The following NBEA variants were observed in gnomAD, a reference collection of about 807,000 sequenced individuals.
The protein encoded by NBEA is lysosomal-trafficking regulator 2.
In NBEA, 44 loss-of-function variants were observed where a neutral mutation model predicts 343.4. That is an observed-to-expected ratio of 0.13 (90% CI 0.10 to 0.16). The LOEUF is 0.16. Among genes scored for constraint, NBEA ranks in the 10% least tolerant of loss-of-function variants. The pLI, the probability that NBEA is intolerant of heterozygous loss-of-function variation, is 1.00. For synonymous variants in NBEA, 1,175 were observed against 1,238.7 expected, an observed-to-expected ratio of 0.95 and a Z score of 1.08; for missense variants, 2,555 against 3,631.3, an observed-to-expected ratio of 0.70 and a Z score of 7.62.
chr13:35,158,903 T>G (rs2069366544), intron 21 of NBEA, 113 bp from the exon 22 acceptor site: 2 of 961,638 alleles, frequency 2.1e-6, no homozygotes, highest in Middle Eastern at 3.0e-4. Context: ...AGCTTTGAAG[T>G]CTTAAACTTT....
At position 35,159,110 on chromosome 13, in the gene NBEA, A is replaced by G. The variant is rs759018234; in HGVS notation, c.2939A>G (p.Asn980Ser). 1 of 1,613,608 alleles carries G rather than the reference A, an allele frequency of 6.2e-7. No individual in the cohort carries two copies. Among genetic ancestry groups the G allele is most frequent in the Non-Finnish European group, 8.5e-7 (1 of 1,179,630 alleles). The change falls in exon 22 of 59, where the codon AAT becomes AGT. Residue 980 changes from asparagine to serine, a missense_variant. Transcript: ENST00000379939. ...AACATTAAAAAGGGAAAGAAAGGGA[A>G]TGTGAGCACCATCTCTGGTCTTTCA... ...EENIKKGKKGNVSTISGLSSQ... is the reference protein window; with the variant it reads ...EENIKKGKKGSVSTISGLSSQ...
rs575288055 is a variant in NBEA, at chr13:35,208,577, T to A, written c.5367-123T>A. 14 of 750,112 alleles carry A rather than the reference T, an allele frequency of 1.9e-5. No homozygotes were observed. The South Asian group carries it at 3.6e-4, about 19-fold the overall frequency. The allele number at this position is 750,112 out of a possible 1,614,324, so 46.5% of individuals were successfully genotyped here. On this transcript the variant is annotated intron_variant, in intron 31 of 58. Coordinates refer to ENST00000379939, the MANE Select transcript of NBEA (RefSeq NM_001385012.1). ...CAAAGCTGGACTAAGGAGTTTAAAA[T>A]TTTTTTTTAATTAAAAGAAGAGAGG...
At chr13:35,370,040 C>T (rs2041339318) in intron 38 of NBEA, among the ~76,000 whole-genome samples, 1 of 151,862 alleles carries the variant, frequency 6.6e-6, no homozygotes, top group Admixed American at 6.6e-5. Flanking sequence ...TCTGTTAGAC[C>T]CATTTGGTCT....
chr13:35,268,843 T>C (rs566019220), intron 34 of NBEA, among the ~76,000 whole-genome samples: 1 of 152,104 alleles, frequency 6.6e-6, no homozygotes, highest in Non-Finnish European at 1.5e-5. Context: ...ACAGAAATTA[T>C]GCAAGCCAGA....
At chr13:35,112,009 C>T (rs866364462) in intron 13 of NBEA, among the ~76,000 whole-genome samples, 13 of 150,222 alleles carry the variant, frequency 8.7e-5, no homozygotes, top group South Asian at 6.4e-4. Context: ...CTCTGCCTCC[C>T]GGGTTCATGC....
chr13:35,393,270 A>G (rs1015834984), intron 38 of NBEA, among the ~76,000 whole-genome samples: 2 of 152,136 alleles, frequency 1.3e-5, no homozygotes, highest in Non-Finnish European at 2.9e-5. Context: ...GATTTTTTAA[A>G]TTCTCCTGGT....
chr13:35,490,738 A>G (rs2076472795), intron 41 of NBEA, among the ~76,000 whole-genome samples: 1 of 95,632 alleles, frequency 1.0e-5, no homozygotes, highest in African/African-American at 3.6e-5. Flanking sequence ...CTTTATCTAT[A>G]TTACTGTATG....
At chr13:35,557,841 A>G (rs1245792964) in intron 44 of NBEA, among the ~76,000 whole-genome samples, 1 of 152,124 alleles carries the variant, frequency 6.6e-6, no homozygotes, top group Non-Finnish European at 1.5e-5. Context: ...TTGGGGAGAA[A>G]AAAAGAGAAG....
At chr13:34,973,662 A>G (rs1171755251) in intron 1 of NBEA, among the ~76,000 whole-genome samples, 1 of 152,130 alleles carries the variant, frequency 6.6e-6, no homozygotes, top group East Asian at 1.9e-4. Flanking sequence ...TCATCCAAAC[A>G]GCAAAGATGG....
chr13:35,520,441 A>G (rs937132310), intron 41 of NBEA, among the ~76,000 whole-genome samples: 2 of 152,128 alleles, frequency 1.3e-5, no homozygotes, highest in African/African-American at 4.8e-5. Flanking sequence ...AGATTCTAAC[A>G]TTTCCTCTCA....
At chr13:35,483,766 A>G (rs1048770019) in intron 41 of NBEA, among the ~76,000 whole-genome samples, 3 of 152,138 alleles carry the variant, frequency 2.0e-5, no homozygotes, top group African/African-American at 7.2e-5. Context: ...CCTATTAAGA[A>G]AGAAGTTATT....
intron 24 of NBEA, among the ~76,000 whole-genome samples, chr13:35,168,180 A>G (rs1415870358): frequency 1.3e-5 from 2 of 151,620 alleles, no homozygotes; most frequent in Non-Finnish European, 3.0e-5. Flanking sequence ...GGATGCTTTT[A>G]TATGTTTTCC....
At chr13:35,351,630 A>G (rs1314530447) in intron 37 of NBEA, among the ~76,000 whole-genome samples, 1 of 152,026 alleles carries the variant, frequency 6.6e-6, no homozygotes, top group Non-Finnish European at 1.5e-5. Context: ...ATTTACAAAT[A>G]TGAAACTGAG....
intron 30 of NBEA, among the ~76,000 whole-genome samples, chr13:35,188,820 T>C (rs1177731427): frequency 1.3e-5 from 2 of 152,042 alleles, no homozygotes; most frequent in African/African-American, 4.8e-5. Context: ...TTTTCCATAA[T>C]AGCTGTCCTA....
intron 1 of NBEA, among the ~76,000 whole-genome samples, chr13:35,020,237 TG>T (rs2061791279): frequency 6.6e-6 from 1 of 152,158 alleles, no homozygotes; most frequent in African/African-American, 2.4e-5. Flanking sequence ...CTAATTTTCT[TG>T]GTGACTTCTT....
At chr13:35,482,570 A>G (rs545212492) in intron 41 of NBEA, among the ~76,000 whole-genome samples, 3 of 151,686 alleles carry the variant, frequency 2.0e-5, no homozygotes, top group African/African-American at 7.2e-5. Context: ...TAAAATCCCA[A>G]TCAAATTAGA....
At chr13:35,566,174 A>G (rs1265676246) in intron 44 of NBEA, among the ~76,000 whole-genome samples, 1 of 152,146 alleles carries the variant, frequency 6.6e-6, no homozygotes, top group East Asian at 1.9e-4. Flanking sequence ...CAGCCTGGCC[A>G]ACATGGTGAA....
At chr13:35,377,695 G>A (rs899305127) in intron 38 of NBEA, among the ~76,000 whole-genome samples, 1 of 151,986 alleles carries the variant, frequency 6.6e-6, no homozygotes, top group African/African-American at 2.4e-5. Flanking sequence ...TGCTTTCTCA[G>A]CCCACTGTTT....
At chr13:35,454,687 C>T (rs1378719518) in intron 40 of NBEA, among the ~76,000 whole-genome samples, 1 of 151,844 alleles carries the variant, frequency 6.6e-6, no homozygotes, top group Non-Finnish European at 1.5e-5. Flanking sequence ...GGTGAAACCC[C>T]GTCTCTACTA....
Sources: gnomAD v4.1 joint callset for allele counts (sites outside exome capture counted in the v4.1 genomes callset) on GRCh38, gnomAD v4.1.1 for gene constraint, MANE v1.5 for transcripts, NCBI Gene and HGNC (gene_info 2026-07-23, HGNC 2026-07-21) for gene names.